The following ATP8B4 variants were observed in gnomAD, a reference collection of about 807,000 sequenced individuals.
ATP8B4 encodes probable phospholipid-transporting ATPase IM.
A neutral mutation model predicts 145.6 loss-of-function variants in ATP8B4; 133 were observed. That is an observed-to-expected ratio of 0.91 (90% confidence interval 0.79 to 1.05). The LOEUF is 1.05. Ranked by LOEUF, ATP8B4 falls within the 50% of genes least tolerant of loss-of-function variation. ATP8B4 has a pLI of 0.00. For synonymous variants in ATP8B4, 507 were observed against 492.9 expected (o/e 1.03, Z -0.38); for missense variants, 1,458 against 1,425.2 (o/e 1.02, Z -0.37).
rs1292171901 is a variant in ATP8B4 at position 50,172,354 on chromosome 15, G to A, written c.-43+9907C>T. On this transcript the variant is annotated intron_variant, in intron 1 of 3. Transcript: ENST00000558829. ...AGACGGGGTTTCCCCCTCTTGGCCG[G>A]GCTGGTCTCCAGCTCCTGACCGCGA... is the stretch of plus-strand genomic sequence containing the variant. Among the ~76,000 whole-genome samples the A allele has an allele frequency of 1.1e-4, 16 of 152,258 alleles. 1 individual carries two copies. The highest frequency in any genetic ancestry group is 1.0e-3 in the Admixed American group (16 of 15,292).
chr15:50,158,197 C>T (rs1220812576), intron 1 of ATP8B4, among the ~76,000 whole-genome samples: 10 of 152,184 alleles, frequency 6.6e-5, no homozygotes, highest in African/African-American at 2.2e-4. Flanking sequence ...AAGTGAGGAG[C>T]GTCTCTGCCT....
At chr15:50,027,961 C>G (rs2050138436) in intron 6 of ATP8B4, among the ~76,000 whole-genome samples, 1 of 152,194 alleles carries the variant, frequency 6.6e-6, no homozygotes, top group Admixed American at 6.5e-5. Context: ...TAAGTGAGGA[C>G]TTACTGTATT....
rs181902116 is a variant in ATP8B4 at position 49,976,337 on chromosome 15, C to A, written c.1034+3280G>T. On this transcript the variant is annotated intron_variant, in intron 12 of 27. Transcript: ENST00000284509. ...ACTCTTTTCACTCAAAAAGCATTAG[C>A]ACTTACAATGGGCTGGGGTAGTGTC... is the stretch of plus-strand genomic sequence containing the variant. Among the ~76,000 whole-genome samples, 486 of 142,616 alleles carry A rather than the reference C, an allele frequency of 3.4e-3. 2 individuals carry two copies. The highest frequency in any genetic ancestry group is 8.0e-3 in the Admixed American group (111 of 13,834). The allele number at this position is 142,616 out of a possible 152,430, so 93.6% of individuals were successfully genotyped here.
At position 50,029,126 on chromosome 15, in the gene ATP8B4, G is replaced by A. The variant is rs1399563423; in HGVS notation, c.362+9642C>T. On this transcript the variant is annotated intron_variant, in intron 6 of 27. Coordinates refer to ENST00000284509, the MANE Select transcript of ATP8B4 (RefSeq NM_024837.4). ...CACACGCCTGTAGTCCCAGCTACTC[G>A]GGAGGCCGAGGCAAGAGAATCGCTT... is the stretch of plus-strand genomic sequence containing the variant. 5.3e-5 allele frequency among the ~76,000 whole-genome samples: 8 copies of A among 151,316 alleles called. No homozygotes were observed. In the East Asian group the frequency reaches 5.9e-4, roughly 11 times the overall value.
intron 6 of ATP8B4, among the ~76,000 whole-genome samples, chr15:50,013,661 T>G (rs981732582): frequency 6.6e-6 from 1 of 152,040 alleles, no homozygotes; most frequent in Non-Finnish European, 1.5e-5. Flanking sequence ...TTCATAAAAT[T>G]TAGATTCCAA....
At chr15:50,011,231 C>T (rs942927268) in intron 6 of ATP8B4, among the ~76,000 whole-genome samples, 4 of 152,144 alleles carry the variant, frequency 2.6e-5, no homozygotes, top group African/African-American at 9.7e-5. Context: ...ATTTTAGTCA[C>T]TGACATTCTT....
Position 49,980,595 on chromosome 15 carries a change from G to C in ATP8B4, c.837+611C>G, listed in dbSNP as rs924330554. Among the ~76,000 whole-genome samples, 3 of 152,144 alleles carry C rather than the reference G, an allele frequency of 2.0e-5. No individual in the cohort carries two copies. In the South Asian group the frequency reaches 6.2e-4, roughly 32 times the overall value. ...AGAAGTAAAAAAAAAATTCATAAGA[G>C]AAAGATAGTCATGAGCTAAGGATGT... On this transcript the variant is annotated intron_variant, in intron 11 of 27. Coordinates refer to ENST00000284509, the MANE Select transcript of ATP8B4 (RefSeq NM_024837.4).
At chr15:50,055,112 A>T (rs2052506394) in intron 3 of ATP8B4, among the ~76,000 whole-genome samples, 1 of 152,210 alleles carries the variant, frequency 6.6e-6, no homozygotes, top group Admixed American at 6.5e-5. Context: ...ATCTGGAAAC[A>T]AGTAGCCCTA....
chr15:50,024,972 T>G (rs1450826844), intron 6 of ATP8B4, among the ~76,000 whole-genome samples: 2 of 152,160 alleles, frequency 1.3e-5, no homozygotes, highest in Non-Finnish European at 2.9e-5. Flanking sequence ...AAACACACAA[T>G]ATATGAATAC....
chr15:49,987,168 A>C (rs900057471), intron 10 of ATP8B4, among the ~76,000 whole-genome samples: 1 of 152,178 alleles, frequency 6.6e-6, no homozygotes, highest in African/African-American at 2.4e-5. Flanking sequence ...AGCATCCTTA[A>C]GAATAAGATG....
chr15:49,987,473 A>T lies in ATP8B4; in HGVS notation c.666T>A (p.His222Gln). ...GGATTATCTTCTCATTGTTGAGGGA[A>T]TGCTTGCTGTCTTTCCAAGAAAGGA... Reference protein sequence around the residue: ...MGILSWKDSKHSLNNEKIILR... With the variant: ...MGILSWKDSKQSLNNEKIILR... Residue 222 changes from histidine to glutamine, a missense_variant, in exon 10 of 28, where the codon CAT (histidine) becomes CAA (glutamine). By Grantham distance (24) the His-to-Gln change is conservative. Transcript: ENST00000284509. 1 of 1,613,794 alleles carries T rather than the reference A, an allele frequency of 6.2e-7. No homozygotes were observed. The highest frequency in any genetic ancestry group is 1.1e-5 in the South Asian group (1 of 91,070).
intron 27 of ATP8B4, among the ~76,000 whole-genome samples, chr15:49,860,682 A>G (rs562189854): frequency 6.6e-6 from 1 of 152,304 alleles, no homozygotes; most frequent in East Asian, 1.9e-4. Flanking sequence ...TCGAGACACT[A>G]TTAAGTAATT....
chr15:50,151,724 G>C (rs2044349597), intron 1 of ATP8B4, among the ~76,000 whole-genome samples: 1 of 119,088 alleles, frequency 8.4e-6, no homozygotes, highest in African/African-American at 3.3e-5. Flanking sequence ...CTAAGAGACA[G>C]AGTGAGAACC....
intron 12 of ATP8B4, among the ~76,000 whole-genome samples, chr15:49,973,403 G>A (rs1018821763): frequency 6.6e-6 from 1 of 152,150 alleles, no homozygotes; most frequent in Non-Finnish European, 1.5e-5. Flanking sequence ...AATGATTATT[G>A]AAGATGTTTG....
upstream of ATP8B4, among the ~76,000 whole-genome samples, chr15:50,121,081 A>G (rs544208752): frequency 2.6e-5 from 4 of 152,340 alleles, no homozygotes; most frequent in Non-Finnish European, 2.9e-5. Flanking sequence ...ATCAAGTTGC[A>G]GAAGAATTGT....
chr15:50,006,520 G>A (rs1371552151), intron 7 of ATP8B4, among the ~76,000 whole-genome samples: 1 of 147,046 alleles, frequency 6.8e-6, no homozygotes, highest in Non-Finnish European at 1.5e-5. Context: ...AGGCCTCTCT[G>A]GAAGTGTGTC....
chr15:49,997,777 A>G (rs2047548869), intron 8 of ATP8B4, among the ~76,000 whole-genome samples: 1 of 152,190 alleles, frequency 6.6e-6, no homozygotes, highest in Non-Finnish European at 1.5e-5. Flanking sequence ...AGTCCAACTC[A>G]AGGAATACGC....
At chr15:50,109,870 C>T (rs1324606121) in intron 1 of ATP8B4, among the ~76,000 whole-genome samples, 1 of 152,106 alleles carries the variant, frequency 6.6e-6, no homozygotes, top group Non-Finnish European at 1.5e-5. Context: ...GTAACCTCTT[C>T]TCTATCTTAT....
rs1407207645 is a variant in ATP8B4 at position 49,876,367 on chromosome 15, C to T, written c.2938G>A (p.Val980Met). The T allele has an allele frequency of 6.8e-6, 11 of 1,613,952 alleles. No homozygotes were observed. The highest frequency in any genetic ancestry group is 2.2e-5 in the East Asian group (1 of 44,854). ...ATATGTTGCCCATCTTCTCCAGCCA[C>T]GTTGTAAAAGGCCCCATAGGGGATG... ...FFIPYGAFYNVAGEDGQHIAD... is the reference protein window; with the variant it reads ...FFIPYGAFYNMAGEDGQHIAD... Residue 980 changes from valine (V) to methionine (M), a missense_variant, in exon 25 of 28, where the codon GTG (valine) becomes ATG (methionine). Coordinates refer to ENST00000284509, the MANE Select transcript of ATP8B4 (RefSeq NM_024837.4).
Sources: gnomAD v4.1 joint callset for allele counts (sites outside exome capture counted in the v4.1 genomes callset) on GRCh38, gnomAD v4.1.1 for gene constraint, MANE v1.5 for transcripts, NCBI Gene and HGNC (gene_info 2026-07-23, HGNC 2026-07-21) for gene names.